ZNF44: variants seen among roughly 807,000 people sequenced by gnomAD.
ZNF44 encodes the protein gonadotropin inducible transcription repressor-2.
In ZNF44, 9 loss-of-function variants were observed where a neutral mutation model predicts 11.7. The ratio of observed to expected loss-of-function variants is 0.77; its 90% CI spans 0.46 to 1.35. The LOEUF (loss-of-function observed/expected upper bound fraction) is 1.35. Among genes scored for constraint, ZNF44 ranks in the 40% most tolerant of loss-of-function variants. The pLI is 0.00. For missense variants in ZNF44, 696 were observed against 743.1 expected, an observed-to-expected ratio of 0.94 and a Z score of 0.74; for synonymous variants, 224 against 242.7, an observed-to-expected ratio of 0.92 and a Z score of 0.72.
At position 12,260,601 on chromosome 19, in the gene ZNF44, C is replaced by T. The variant is rs187208820; in HGVS notation, c.1913-10233G>A. 1.0e-3 allele frequency: 656 copies of T among 630,418 alleles called. 1 individual carries two copies. Among genetic ancestry groups the T allele is most frequent in the Non-Finnish European group, 1.7e-3 (584 of 353,252 alleles). The allele number at this position is 630,418 out of a possible 1,614,324, so 39.1% of individuals were successfully genotyped here. A position where few individuals can be genotyped will look rare whatever the true frequency, so the allele number is the denominator to read the frequency against. On this transcript the variant is annotated intron_variant and NMD_transcript_variant, in intron 5 of 7. Coordinates refer to the ZNF44 transcript ENST00000393337. ...TCTCACCACCAGCCCCTCATGCCCGCAAAAAACAAAAACAAAAACAAAAAA... is the reference window on the plus strand; with the variant it reads ...TCTCACCACCAGCCCCTCATGCCCGTAAAAAACAAAAACAAAAACAAAAAA...
At chr19:12,233,438 TAAACA>T (rs934957198) in intron 2 of ZNF44, among the ~76,000 whole-genome samples, 3 of 149,668 alleles carry the variant, frequency 2.0e-5, no homozygotes, top group African/African-American at 7.4e-5. Context: ...AATCGGTCTC[TAAACA>T]AAACAAAGCA....
In ZNF44 at chr19:12,294,682, G is replaced by C. The variant is rs781111696; in HGVS notation, c.3+10C>G. On this transcript the variant is annotated intron_variant, in intron 1 of 3. Coordinates refer to ENST00000355684, the MANE Select transcript of ZNF44 (RefSeq NM_016264.4). ...GCCCTGCCTCAGGACGCCGGGCCCC[G>C]CACACTCACCATTTCCCGGCTGTGC... The C allele has an allele frequency of 9.6e-6, 15 of 1,560,686 alleles. No homozygotes were observed. In the South Asian group the frequency reaches 1.3e-4, roughly 14 times the overall value.
At chr19:12,279,260 C>T (rs1404159385) in intron 1 of ZNF44, among the ~76,000 whole-genome samples, 1 of 152,074 alleles carries the variant, frequency 6.6e-6, no homozygotes, top group South Asian at 2.1e-4. Context: ...GTGGCTGAAG[C>T]CTGTAATACC....
At chr19:12,247,593 CAT>C, downstream of ZNF44, 1 of 1,333,028 alleles carries the variant, frequency 7.5e-7, no homozygotes, top group Non-Finnish European at 9.9e-7. Flanking sequence ...TGTTTTCCCA[CAT>C]TTTTTACATT....
At chr19:12,232,386 G>A (rs1335672178) in intron 2 of ZNF44, among the ~76,000 whole-genome samples, 2 of 152,106 alleles carry the variant, frequency 1.3e-5, no homozygotes, top group African/African-American at 4.8e-5. Context: ...GTGTCGGGCT[G>A]GGGGACAGTC....
At chr19:12,277,480 C>G (rs986255642) in intron 1 of ZNF44, among the ~76,000 whole-genome samples, 1 of 152,004 alleles carries the variant, frequency 6.6e-6, no homozygotes, top group Non-Finnish European at 1.5e-5. Flanking sequence ...ATTACATAAA[C>G]CAATTTTTAT....
downstream of ZNF44, among the ~76,000 whole-genome samples, chr19:12,267,032 TTTTC>T (rs997852146): frequency 3.5e-4 from 50 of 143,498 alleles, 1 homozygote; most frequent in Admixed American, 2.0e-3. Flanking sequence ...TCTACTCATT[TTTTC>T]TTTTTTCTTT....
chr19:12,233,151 T>C (rs1369589241), intron 2 of ZNF44, among the ~76,000 whole-genome samples: 3 of 152,104 alleles, frequency 2.0e-5, no homozygotes, highest in East Asian at 3.9e-4. Context: ...TAACCCTCAC[T>C]CTGGCTGGGA....
At position 12,264,705 on chromosome 19, in the gene ZNF44, AT is replaced by A. The variant is rs201711089; in HGVS notation, c.1912+7781del. 3.4e-3 allele frequency among the ~76,000 whole-genome samples: 512 copies of A among 151,530 alleles called. 1 individual carries two copies. Among genetic ancestry groups the A allele is most frequent in the Non-Finnish European group, 5.5e-3 (375 of 67,814 alleles). On this transcript the variant is annotated intron_variant and NMD_transcript_variant, in intron 5 of 7. Transcript: ENST00000393337. ...AATCAATAGTTAATTATTATAAACA[AT>A]TTTTTTTTAGAGGGGGTCTCACTCT...
chr19:12,273,553 G>A lies in ZNF44; in HGVS notation c.702C>T (p.Phe234=). ...GTCTTAGATAGGAACTGTAAACAGGGAAGGCTTTAGAACACTGCTTACATT... is the reference window on the plus strand; with the variant it reads ...GTCTTAGATAGGAACTGTAAACAGGAAAGGCTTTAGAACACTGCTTACATT... The part of the protein sequence containing the change: ...PYECKQCSKA[F]PVYSSYLRHE... The change falls in exon 4 of 4, where the codon TTC becomes TTT. Residue 234 remains phenylalanine (F), a synonymous_variant. Coordinates refer to ENST00000355684, the MANE Select transcript of ZNF44 (RefSeq NM_016264.4). 1 of 1,613,864 alleles carries A rather than the reference G, an allele frequency of 6.2e-7. No homozygotes were observed. The highest frequency in any genetic ancestry group is 8.5e-7 in the Non-Finnish European group (1 of 1,179,976).
chr19:12,229,802 T>C (rs1916080667), intron 3 of ZNF44, among the ~76,000 whole-genome samples: 1 of 151,902 alleles, frequency 6.6e-6, no homozygotes, highest in South Asian at 2.1e-4. Context: ...TTAGTAGAGA[T>C]GGAGTTTCAC....
chr19:12,228,664 A>C (rs1916022672), intron 3 of ZNF44, among the ~76,000 whole-genome samples: 1 of 152,158 alleles, frequency 6.6e-6, no homozygotes, highest in Non-Finnish European at 1.5e-5. Flanking sequence ...TTTAGTACAA[A>C]AATTTACCAT....
chr19:12,266,615 A>G (rs984098921), intron 5 of ZNF44, among the ~76,000 whole-genome samples: 3 of 152,080 alleles, frequency 2.0e-5, no homozygotes, highest in Non-Finnish European at 4.4e-5. Context: ...AGAATGACAG[A>G]TTCTTGACCA....
chr19:12,285,119 C>T, intron 1 of ZNF44: 3 of 641,382 alleles, frequency 4.7e-6, no homozygotes, highest in Non-Finnish European at 2.8e-6. Context: ...TCACTGACCA[C>T]CTCGTTAAGA....
chr19:12,248,814 T>C, intron 7 of ZNF44: 1 of 395,770 alleles, frequency 2.5e-6, no homozygotes, highest in Non-Finnish European at 4.4e-6. Context: ...GCTTGTGAGG[T>C]GAATGTACTG....
chr19:12,256,518 A>G (rs1336678637), intron 5 of ZNF44, among the ~76,000 whole-genome samples: 1 of 152,026 alleles, frequency 6.6e-6, no homozygotes, highest in Non-Finnish European at 1.5e-5. Flanking sequence ...TTTCTTCACT[A>G]TGTCAGAGAG....
rs907467137 is a variant in ZNF44, at chr19:12,277,656, C to A, written c.4-1574G>T. On this transcript the variant is annotated intron_variant, in intron 1 of 3. Transcript: ENST00000355684. ...AGGAAAGTGAAAAATGATAGAAAAG[C>A]CTTGTATTGTTTTTTCTTTGGCCCC... Among the ~76,000 whole-genome samples the A allele has an allele frequency of 2.0e-5, 3 of 152,224 alleles. No homozygotes were observed. The South Asian group carries it at 6.2e-4, about 32-fold the overall frequency.
intron 1 of ZNF44, among the ~76,000 whole-genome samples, chr19:12,289,838 A>C (rs2145768942): frequency 6.6e-6 from 1 of 151,842 alleles, no homozygotes; most frequent in Non-Finnish European, 1.5e-5. Flanking sequence ...TCACCATGTT[A>C]GCCAGGATGG....
At chr19:12,238,966 G>T (rs956626552), upstream of ZNF44, among the ~76,000 whole-genome samples, 1 of 152,184 alleles carries the variant, frequency 6.6e-6, no homozygotes, top group Non-Finnish European at 1.5e-5. Flanking sequence ...TCCCCTCAGT[G>T]TGGAAATGCT....
Sources: allele counts gnomAD v4.1 joint callset (sites outside exome capture counted in the v4.1 genomes callset), GRCh38; gene constraint gnomAD v4.1.1; transcripts MANE v1.5; gene names NCBI Gene and HGNC (gene_info 2026-07-23, HGNC 2026-07-21).